The following KMT2C variants were observed in gnomAD, a reference collection of about 807,000 sequenced individuals.
KMT2C encodes histone-lysine N-methyltransferase 2C.
KMT2C carries 88 observed loss-of-function variants against 507.9 expected under a neutral mutation model. That is an observed-to-expected ratio of 0.17 (90% CI 0.15 to 0.21). The LOEUF is 0.21. KMT2C is among the 10% of genes least tolerant of loss of function. The probability of loss-of-function intolerance (pLI) is 1.00; values close to 1 mark genes in which losing one functional copy is unlikely to be tolerated. For missense variants in KMT2C, 4,954 were observed against 5,957.8 expected (o/e 0.83, Z 5.55); for synonymous variants, 2,049 against 2,080.8 (o/e 0.98, Z 0.42).
chr7:152,189,384 A>G (rs1299585884), intron 31 of KMT2C, among the ~76,000 whole-genome samples: 2 of 152,322 alleles, frequency 1.3e-5, no homozygotes, highest in Admixed American at 6.5e-5. Context: ...GAGCCATACT[A>G]TTACAGGAGA....
intron 26 of KMT2C, among the ~76,000 whole-genome samples, chr7:152,200,903 T>G (rs985873479): frequency 1.3e-5 from 2 of 152,188 alleles, no homozygotes; most frequent in African/African-American, 4.8e-5. Context: ...AATGTTCACA[T>G]TTTAAATGAA....
At chr7:152,221,354 C>T (rs187943359) in intron 22 of KMT2C, among the ~76,000 whole-genome samples, 2 of 152,304 alleles carry the variant, frequency 1.3e-5, no homozygotes, top group African/African-American at 4.8e-5. Flanking sequence ...CTATGAGCTT[C>T]TTCGTAGAAA....
intron 16 of KMT2C, among the ~76,000 whole-genome samples, chr7:152,234,007 C>T (rs2360910): frequency 5.1e-4 from 78 of 152,030 alleles, no homozygotes; most frequent in African/African-American, 1.7e-3. Flanking sequence ...TGTTGGTGCG[C>T]GCCAGTAATC....
intron 4 of KMT2C, among the ~76,000 whole-genome samples, chr7:152,313,639 CTATT>C (rs1346358303): frequency 1.2e-4 from 18 of 152,006 alleles, no homozygotes; most frequent in Admixed American, 5.9e-4. Context: ...AATTAACTAG[CTATT>C]TAAACTTCAT....
Position 152,181,136 on chromosome 7 carries a change from C to G in KMT2C, c.6724G>C (p.Val2242Leu). 1 of 1,614,176 alleles carries G rather than the reference C, an allele frequency of 6.2e-7. No individual in the cohort carries two copies. The highest frequency in any genetic ancestry group is 8.5e-7 in the Non-Finnish European group (1 of 1,180,040). Reference protein sequence around the residue: ...GFTRSSMTRPVLMPNQDPFLQ... With the variant: ...GFTRSSMTRPLLMPNQDPFLQ... ...AAAGGATCCTGATTTGGCATGAGGA[C>G]TGGTCTTGTCATTGAGGACCTAGTA... The change falls in exon 36 of 59, where the codon GTC (valine) becomes CTC (leucine). Residue 2242 changes from valine (V) to leucine (L), a missense_variant. Val to Leu is a conservative substitution (Grantham distance 32). Transcript: ENST00000262189.
In KMT2C at chr7:152,162,160, T is replaced by C; in HGVS notation, c.11417A>G (p.Lys3806Arg). The change falls in exon 43 of 59, where the codon AAG (lysine) becomes AGG (arginine). Residue 3806 changes from lysine (K) to arginine (R), a missense_variant. Physicochemically the swap from Lys to Arg is conservative, Grantham distance 26. Transcript: ENST00000262189. ...GSICSEDDCTKDNKLVEKQNP... is the reference protein window; with the variant it reads ...GSICSEDDCTRDNKLVEKQNP... Reference sequence around the variant, plus strand: ...CTGCTTCTCAACTAGTTTATTATCCTTTGTACAGTCATCTTCTGAACAAAT... The same window carrying C: ...CTGCTTCTCAACTAGTTTATTATCCCTTGTACAGTCATCTTCTGAACAAAT... 1 of 1,604,406 alleles carries C rather than the reference T, an allele frequency of 6.2e-7. No individual in the cohort carries two copies. The highest frequency in any genetic ancestry group is 8.5e-7 in the Non-Finnish European group (1 of 1,176,418).
In KMT2C at chr7:152,144,794, A is replaced by G. The variant is rs2129092761; in HGVS notation, c.14262T>C (p.Phe4754=). The G allele has an allele frequency of 6.2e-7, 1 of 1,614,158 alleles. No individual in the cohort carries two copies. Among genetic ancestry groups the G allele is most frequent in the South Asian group, 1.1e-5 (1 of 91,074 alleles). The change falls in exon 55 of 59, where the codon TTT becomes TTC. Residue 4754 remains phenylalanine, a synonymous_variant. Transcript: ENST00000262189. The surrounding 1 kb of genome is among the most constrained non-coding windows in gnomAD (Gnocchi z 4.4). ...GGTACTGCGATGACTTGGAGTGAACAAACTGTTTACTATAAGGTGCGTTCA... is the reference window on the plus strand; with the variant it reads ...GGTACTGCGATGACTTGGAGTGAACGAACTGTTTACTATAAGGTGCGTTCA... ...GELNAPYSKQ[F]VHSKSSQYRK...
chr7:152,402,977 A>G (rs796800634), intron 1 of KMT2C: 21 of 151,246 alleles, frequency 1.4e-4, no homozygotes, highest in Middle Eastern at 3.2e-3. Context: ...AGACATACAA[A>G]CAGTCAACAG....
chr7:152,180,594 ACT>A (rs1243363434), intron 36 of KMT2C, 115 bp downstream of exon 36: 3 of 775,710 alleles, frequency 3.9e-6, no homozygotes, highest in Non-Finnish European at 6.0e-6. Flanking sequence ...AGTATGACAA[ACT>A]CTACAGAATA....
chr7:152,364,403 C>T (rs551074144), intron 1 of KMT2C, among the ~76,000 whole-genome samples: 2 of 151,976 alleles, frequency 1.3e-5, no homozygotes, highest in East Asian at 1.9e-4. Context: ...GTCAGGAGAT[C>T]GAGACCATCC....
intron 1 of KMT2C, among the ~76,000 whole-genome samples, chr7:152,380,821 G>A (rs116096435): frequency 3.3e-5 from 5 of 152,052 alleles, no homozygotes; most frequent in African/African-American, 1.2e-4. Flanking sequence ...GGGGTAGCAC[G>A]AATGGCGGGC....
intron 46 of KMT2C, 55 bp downstream of exon 46, chr7:152,155,854 AT>A (rs1322396203): frequency 1.9e-5 from 29 of 1,510,604 alleles, no homozygotes; most frequent in South Asian, 7.6e-5. Context: ...ACATACATTT[AT>A]TTTTTTTAAA....
In KMT2C at chr7:152,182,483, G is replaced by A. The variant is rs2129121068; in HGVS notation, c.5377C>T (p.Leu1793Phe). The A allele has an allele frequency of 6.2e-7, 1 of 1,614,114 alleles. No homozygotes were observed. Among genetic ancestry groups the A allele is most frequent in the Non-Finnish European group, 8.5e-7 (1 of 1,179,990 alleles). ...QQQQQFGSQH[L>F]LVQSGSDTPS... ...GTATCTGAACCAGACTGCACCAGAAGATGCTGAGAACCAAATTGCTGTTGT... is the reference window on the plus strand; with the variant it reads ...GTATCTGAACCAGACTGCACCAGAAAATGCTGAGAACCAAATTGCTGTTGT... The change falls in exon 36 of 59, where the codon CTT (leucine) becomes TTT (phenylalanine). Residue 1793 changes from leucine to phenylalanine, a missense_variant. Leu to Phe is a conservative substitution (Grantham distance 22). Around this residue, in one of 29 missense-constraint regions of KMT2C, gnomAD observed 1,689 missense variants for 1,654.3 expected, o/e 1.02. Transcript: ENST00000262189.
At chr7:152,297,051 A>AAGAAAGAAAGAAAGAAAG (rs1356233143) in intron 6 of KMT2C, among the ~76,000 whole-genome samples, 4 of 60,240 alleles carry the variant, frequency 6.6e-5, no homozygotes, top group South Asian at 6.0e-4. Context: ...GAAAGAAAGA[A>AAGAAAGAAAGAAAGAAAG]AGACAGAGAG....
In KMT2C at chr7:152,187,862, A is replaced by G. The variant is rs753085033; in HGVS notation, c.4661-15T>C. On this transcript the variant is annotated splice_polypyrimidine_tract_variant and intron_variant, in intron 31 of 58. Coordinates refer to ENST00000262189, the MANE Select transcript of KMT2C (RefSeq NM_170606.3). ...TGAAAAAGCATCTTCAGAGAAAAAA[A>G]TAATTCCGTTGGCATGATATTCACA... The G allele has an allele frequency of 2.5e-6, 4 of 1,612,856 alleles. No homozygotes were observed. The highest frequency in any genetic ancestry group is 3.4e-6 in the Non-Finnish European group (4 of 1,179,528).
chr7:152,370,712 AAATC>A (rs750265489), intron 1 of KMT2C, among the ~76,000 whole-genome samples: 1 of 152,234 alleles, frequency 6.6e-6, no homozygotes, highest in Non-Finnish European at 1.5e-5. Context: ...AATATTCAAA[AAATC>A]AATCAATGTA....
intron 18 of KMT2C, among the ~76,000 whole-genome samples, chr7:152,226,218 C>CTTT (rs1563479395): frequency 7.8e-6 from 1 of 128,026 alleles, no homozygotes; most frequent in African/African-American, 3.2e-5. Flanking sequence ...CATTACAAGG[C>CTTT]CTTTTTTTTT....
At position 152,313,767 on chromosome 7, in the gene KMT2C, CTTA is replaced by C. The variant is rs374403505; in HGVS notation, c.590+1368_590+1370del. On this transcript the variant is annotated intron_variant, in intron 4 of 58. Coordinates refer to ENST00000262189, the MANE Select transcript of KMT2C (RefSeq NM_170606.3). The stretch of plus-strand genomic sequence containing the variant: ...TTCATTAACTGCCATATTATCATTA[CTTA>C]TTAAGTTGGTAAGCACTAAGTATAT... 9.3e-4 allele frequency among the ~76,000 whole-genome samples: 141 copies of C among 152,156 alleles called. 1 individual carries two copies. Among genetic ancestry groups the C allele is most frequent in the African/African-American group, 3.1e-3 (130 of 41,540 alleles).
At chr7:152,235,261 A>T (rs901790219) in intron 16 of KMT2C, among the ~76,000 whole-genome samples, 1 of 150,310 alleles carries the variant, frequency 6.7e-6, no homozygotes, top group Middle Eastern at 3.4e-3. Flanking sequence ...AATATAGCTT[A>T]TATCAACTGT....
Sources: gnomAD v4.1 joint callset for allele counts (sites outside exome capture counted in the v4.1 genomes callset) on GRCh38, gnomAD v4.1.1 for gene constraint, gnomAD v4.1.1 regional missense constraint, Gnocchi (gnomAD v3.1) non-coding constraint, MANE v1.5 for transcripts, NCBI Gene and HGNC (gene_info 2026-07-23, HGNC 2026-07-21) for gene names.